The following TTLL5 variants were observed in gnomAD, a reference collection of about 807,000 sequenced individuals.
The protein encoded by TTLL5 is tubulin polyglutamylase TTLL5.
A neutral mutation model predicts 168.4 loss-of-function variants in TTLL5; 132 were observed. The observed-to-expected ratio is 0.78, with a 90% CI of 0.68 to 0.91. The LOEUF (loss-of-function observed/expected upper bound fraction) is 0.91. Among genes scored for constraint, TTLL5 ranks in the 40% least tolerant of loss-of-function variants. TTLL5 has a pLI of 0.00. For synonymous variants in TTLL5, 546 were observed against 558.6 expected (o/e 0.98, Z 0.32); for missense variants, 1,545 against 1,581.5 (o/e 0.98, Z 0.39).
intron 28 of TTLL5, among the ~76,000 whole-genome samples, chr14:75,829,711 G>A (rs1895455942): frequency 6.6e-6 from 1 of 152,130 alleles, no homozygotes. Context: ...TGTAAATTCA[G>A]TCCCAGGTGT....
chr14:75,743,380 A>T (rs893399534), intron 15 of TTLL5, among the ~76,000 whole-genome samples: 1 of 152,120 alleles, frequency 6.6e-6, no homozygotes, highest in African/African-American at 2.4e-5. Flanking sequence ...GGGTGGCTTA[A>T]ACAACAGAAA....
chr14:75,879,157 G>C (rs751898569), intron 29 of TTLL5, among the ~76,000 whole-genome samples: 1 of 152,182 alleles, frequency 6.6e-6, no homozygotes, highest in Non-Finnish European at 1.5e-5. Context: ...AAGTACACAC[G>C]TAAGTGGCTA....
intron 28 of TTLL5, among the ~76,000 whole-genome samples, chr14:75,861,642 T>G (rs538998976): frequency 6.6e-6 from 1 of 152,322 alleles, no homozygotes; most frequent in East Asian, 1.9e-4. Flanking sequence ...CTAAGCCCCC[T>G]TAACCAGGGT....
chr14:75,878,969 G>A (rs2031653188), intron 29 of TTLL5, among the ~76,000 whole-genome samples: 1 of 118,452 alleles, frequency 8.4e-6, no homozygotes, highest in Admixed American at 9.6e-5. Context: ...CTATTTTGTT[G>A]TGTAGGAATT....
intron 2 of TTLL5, among the ~76,000 whole-genome samples, chr14:75,666,572 A>T (rs947158490): frequency 6.6e-6 from 1 of 152,230 alleles, no homozygotes; most frequent in African/African-American, 2.4e-5. Flanking sequence ...AGTGGGTGCT[A>T]TAGGAGTTCA....
chr14:75,863,015 G>C (rs1191912006), intron 28 of TTLL5, among the ~76,000 whole-genome samples: 1 of 152,124 alleles, frequency 6.6e-6, no homozygotes, highest in Non-Finnish European at 1.5e-5. Flanking sequence ...CATAGCATAG[G>C]TACTGACTAC....
intron 23 of TTLL5, among the ~76,000 whole-genome samples, chr14:75,777,113 G>A (rs1158493493): frequency 1.3e-5 from 2 of 152,170 alleles, no homozygotes; most frequent in Non-Finnish European, 2.9e-5. Flanking sequence ...TTCTCAGAAG[G>A]AGAAAAGATT....
chr14:75,683,774 G>A, intron 5 of TTLL5, 118 bp downstream of exon 5: 1 of 658,280 alleles, frequency 1.5e-6, no homozygotes, highest in Non-Finnish European at 2.4e-6. Context: ...GAAGAAGAAG[G>A]ACTTTTTTTT....
chr14:75,759,358 C>G (rs1890486991), intron 18 of TTLL5, among the ~76,000 whole-genome samples: 1 of 152,042 alleles, frequency 6.6e-6, no homozygotes, highest in Non-Finnish European at 1.5e-5. Context: ...TTTGAAAAGC[C>G]CTGTATCTGT....
chr14:75,882,253 TCA>T (rs1334614939), intron 29 of TTLL5, among the ~76,000 whole-genome samples: 1 of 152,132 alleles, frequency 6.6e-6, no homozygotes, highest in Non-Finnish European at 1.5e-5. Flanking sequence ...CTAGAGGAGC[TCA>T]GAGTTTTGGA....
intron 21 of TTLL5, among the ~76,000 whole-genome samples, chr14:75,774,453 C>T (rs1566598547): frequency 1.3e-5 from 2 of 152,176 alleles, no homozygotes; most frequent in Non-Finnish European, 2.9e-5. Flanking sequence ...GCCTTAATCA[C>T]GACACTTTTA....
chr14:75,802,994 T>G (rs1203473372), intron 27 of TTLL5: 3 of 152,276 alleles, frequency 2.0e-5, no homozygotes, highest in Non-Finnish European at 2.9e-5. Flanking sequence ...TGTCACAGGA[T>G]GGAGAGTCAG....
At chr14:75,703,327 G>A (rs900296754) in intron 7 of TTLL5, among the ~76,000 whole-genome samples, 1 of 152,192 alleles carries the variant, frequency 6.6e-6, no homozygotes, top group Admixed American at 6.5e-5. Flanking sequence ...GAAACTCTCT[G>A]CAAATAGCAA....
chr14:75,881,046 T>C (rs935637626), intron 29 of TTLL5, among the ~76,000 whole-genome samples: 1 of 152,170 alleles, frequency 6.6e-6, no homozygotes, highest in Non-Finnish European at 1.5e-5. Flanking sequence ...CTTGGGTCGC[T>C]GGGACTACAG....
chr14:75,745,626 A>G (rs1357441269), intron 17 of TTLL5, 45 bp downstream of exon 17: 2 of 1,515,006 alleles, frequency 1.3e-6, no homozygotes, highest in Non-Finnish European at 1.8e-6. Flanking sequence ...TGAGGTCCAT[A>G]GAATTAGATT....
chr14:75,754,632 T>C (rs1890137113), intron 18 of TTLL5, among the ~76,000 whole-genome samples: 1 of 152,202 alleles, frequency 6.6e-6, no homozygotes, highest in African/African-American at 2.4e-5. Flanking sequence ...TGAGGTATAA[T>C]AATATGTGTG....
chr14:75,954,074 C>A (rs1399467743), intron 31 of TTLL5, among the ~76,000 whole-genome samples: 1 of 151,830 alleles, frequency 6.6e-6, no homozygotes, highest in African/African-American at 2.4e-5. Context: ...CGGTGAAACC[C>A]CATCTCCACT....
intron 31 of TTLL5, among the ~76,000 whole-genome samples, chr14:75,918,636 A>G (rs1298617759): frequency 6.6e-6 from 1 of 152,192 alleles, no homozygotes; most frequent in Admixed American, 6.5e-5. Flanking sequence ...AAAGTACCCT[A>G]TAAATATACT....
intron 18 of TTLL5, among the ~76,000 whole-genome samples, chr14:75,756,839 T>C (rs1407100146): frequency 6.6e-6 from 1 of 151,920 alleles, no homozygotes; most frequent in Non-Finnish European, 1.5e-5. Context: ...TGAAAGGAAA[T>C]TGAATGAGAG....
Sources: allele counts gnomAD v4.1 joint callset (sites outside exome capture counted in the v4.1 genomes callset), GRCh38; gene constraint gnomAD v4.1.1; transcripts MANE v1.5; gene names NCBI Gene and HGNC (gene_info 2026-07-23, HGNC 2026-07-21).